TMEM132D: variants seen among roughly 807,000 people sequenced by gnomAD.
TMEM132D encodes mature OL transmembrane protein.
A neutral mutation model predicts 62.3 loss-of-function variants in TMEM132D; 21 were observed. The ratio of observed to expected loss-of-function variants is 0.34; its 90% CI spans 0.24 to 0.49. The LOEUF (loss-of-function observed/expected upper bound fraction) is 0.49. Ranked by LOEUF, TMEM132D falls within the 20% of genes least tolerant of loss-of-function variation. TMEM132D has a pLI of 0.99. For synonymous variants in TMEM132D, 621 were observed against 575.6 expected (o/e 1.08, Z -1.13); for missense variants, 1,346 against 1,402.8 (o/e 0.96, Z 0.65).
intron 7 of TMEM132D, among the ~76,000 whole-genome samples, chr12:129,081,465 A>AT (rs992182703): frequency 4.6e-5 from 7 of 151,940 alleles, no homozygotes; most frequent in Non-Finnish European, 8.8e-5. Context: ...CACTCGGGTA[A>AT]TTTTTTGTAT....
intron 4 of TMEM132D, among the ~76,000 whole-genome samples, chr12:129,294,918 G>A (rs902252039): frequency 5.9e-5 from 9 of 152,128 alleles, no homozygotes; most frequent in African/African-American, 1.7e-4. Flanking sequence ...TATTGTGATG[G>A]TTCATTGTGT....
At chr12:129,474,261 TC>T (rs960967929) in intron 3 of TMEM132D, among the ~76,000 whole-genome samples, 5 of 152,150 alleles carry the variant, frequency 3.3e-5, no homozygotes, top group Non-Finnish European at 5.9e-5. Flanking sequence ...GCCCTTCTGC[TC>T]CCTCCTAACA....
At chr12:129,081,664 C>T in intron 7 of TMEM132D, 95 bp downstream of exon 7, 3 of 1,471,984 alleles carry the variant, frequency 2.0e-6, no homozygotes, top group South Asian at 1.4e-5. Context: ...AGATACCATT[C>T]CCAGCAATGA....
chr12:129,874,699 TC>T (rs1320836288), intron 1 of TMEM132D, among the ~76,000 whole-genome samples: 4 of 122,648 alleles, frequency 3.3e-5, no homozygotes, highest in African/African-American at 1.2e-4. Context: ...TTCACATTTT[TC>T]TTTTTTTTTT....
At chr12:129,279,486 GA>G (rs1342862270) in intron 4 of TMEM132D, among the ~76,000 whole-genome samples, 1 of 151,794 alleles carries the variant, frequency 6.6e-6, no homozygotes, top group Non-Finnish European at 1.5e-5. Context: ...CTTTGAAAAA[GA>G]AAGTAAAAAT....
chr12:129,291,654 T>C, intron 4 of TMEM132D, among the ~76,000 whole-genome samples: 1 of 152,180 alleles, frequency 6.6e-6, no homozygotes, highest in East Asian at 1.9e-4. Context: ...AATATTGATT[T>C]AGTTATTCTG....
intron 2 of TMEM132D, among the ~76,000 whole-genome samples, chr12:129,684,393 G>C (rs1045232995): frequency 6.6e-6 from 1 of 152,048 alleles, no homozygotes; most frequent in Non-Finnish European, 1.5e-5. Context: ...AGACATGTTT[G>C]CTTCCCCTTC....
At chr12:129,597,455 C>A (rs1190176501) in intron 2 of TMEM132D, among the ~76,000 whole-genome samples, 1 of 152,184 alleles carries the variant, frequency 6.6e-6, no homozygotes, top group African/African-American at 2.4e-5. Flanking sequence ...CGCTTACCAG[C>A]ATGGTAAGTA....
chr12:129,588,649 A>C (rs553045211), intron 2 of TMEM132D, among the ~76,000 whole-genome samples: 1 of 150,292 alleles, frequency 6.7e-6, no homozygotes, highest in Non-Finnish European at 1.5e-5. Flanking sequence ...ATCTCCGCCC[A>C]CTGCAAGCTC....
At chr12:129,352,800 T>C (rs952471107) in intron 3 of TMEM132D, among the ~76,000 whole-genome samples, 3 of 152,196 alleles carry the variant, frequency 2.0e-5, no homozygotes, top group African/African-American at 7.2e-5. Flanking sequence ...GGAATGGTTT[T>C]ACACTGTTGG....
intron 1 of TMEM132D, among the ~76,000 whole-genome samples, chr12:129,808,490 G>A (rs1187700843): frequency 6.6e-6 from 1 of 152,142 alleles, no homozygotes; most frequent in Non-Finnish European, 1.5e-5. Flanking sequence ...AATAAACGAA[G>A]ACCAAGGAAG....
chr12:129,236,514 CAA>C (rs60745384), intron 4 of TMEM132D, among the ~76,000 whole-genome samples: 5 of 67,094 alleles, frequency 7.5e-5, no homozygotes, highest in South Asian at 5.3e-4. Flanking sequence ...GACTCCATCT[CAA>C]AAAAAAAAAA....
intron 3 of TMEM132D, among the ~76,000 whole-genome samples, chr12:129,385,164 G>A (rs1220955672): frequency 1.4e-5 from 2 of 143,668 alleles, no homozygotes; most frequent in Non-Finnish European, 3.0e-5. Flanking sequence ...GTAGTGCAGT[G>A]GTGCGATCTT....
At chr12:129,199,578 T>C (rs1306100884) in intron 5 of TMEM132D, among the ~76,000 whole-genome samples, 2 of 152,210 alleles carry the variant, frequency 1.3e-5, no homozygotes, top group Non-Finnish European at 2.9e-5. Flanking sequence ...TCCTGTATTA[T>C]CCATTTTTAA....
chr12:129,491,884 G>A (rs1253852373), intron 3 of TMEM132D, among the ~76,000 whole-genome samples: 1 of 152,046 alleles, frequency 6.6e-6, no homozygotes, highest in African/African-American at 2.4e-5. Context: ...GGAGGTTGCA[G>A]TGAACTGAGA....
At chr12:129,798,590 C>CATTGTA (rs2137304217) in intron 1 of TMEM132D, among the ~76,000 whole-genome samples, 1 of 152,158 alleles carries the variant, frequency 6.6e-6, no homozygotes, top group South Asian at 2.1e-4. Context: ...ATGCACTGTG[C>CATTGTA]CCATTAGGAG....
chr12:129,468,270 G>T lies in TMEM132D; in HGVS notation c.1115+62789C>A, dbSNP rs553124849. ...TTTCTGTTGCAGAAAGAAGAGGGGT[G>T]GTGAGCAAAGAAATGAGCTCCATCT... On this transcript the variant is annotated intron_variant, in intron 3 of 8. Transcript: ENST00000422113. 2.0e-5 allele frequency among the ~76,000 whole-genome samples: 3 copies of T among 152,026 alleles called. No individual in the cohort carries two copies. In the South Asian group the frequency reaches 6.2e-4, roughly 32 times the overall value.
intron 1 of TMEM132D, among the ~76,000 whole-genome samples, chr12:129,801,801 A>G (rs1871795309): frequency 6.8e-6 from 1 of 148,104 alleles, no homozygotes; most frequent in African/African-American, 2.5e-5. Flanking sequence ...AAAAATTTAG[A>G]AGAATGTATA....
chr12:129,583,633 T>C (rs775183940), intron 2 of TMEM132D, among the ~76,000 whole-genome samples: 16 of 152,216 alleles, frequency 1.1e-4, no homozygotes, highest in Non-Finnish European at 1.9e-4. Context: ...ACAAACAAGA[T>C]GAATGCTATG....
Sources: allele counts gnomAD v4.1 joint callset (sites outside exome capture counted in the v4.1 genomes callset), GRCh38; gene constraint gnomAD v4.1.1; transcripts MANE v1.5; gene names NCBI Gene and HGNC (gene_info 2026-07-23, HGNC 2026-07-21).